FA2H: variants seen among roughly 807,000 people sequenced by gnomAD.
FA2H encodes the protein fatty acid alpha-hydroxylase.
A neutral mutation model predicts 44.9 loss-of-function variants in FA2H; 22 were observed. The ratio of observed to expected loss-of-function variants is 0.49; its 90% CI spans 0.35 to 0.70. The LOEUF (loss-of-function observed/expected upper bound fraction) is 0.70. FA2H is among the 30% of genes least tolerant of loss of function. FA2H has a pLI of 0.01. For synonymous variants in FA2H, 243 were observed against 213.2 expected (o/e 1.14, Z -1.22); for missense variants, 501 against 504.9 (o/e 0.99, Z 0.07).
At chr16:74,719,547 T>C (rs1296619537) in intron 4 of FA2H, among the ~76,000 whole-genome samples, 1 of 151,902 alleles carries the variant, frequency 6.6e-6, no homozygotes, top group Admixed American at 6.6e-5. Context: ...AAGGTATCTC[T>C]GTGTCGCCCA....
chr16:74,736,614 G>A (rs528269573), intron 2 of FA2H, among the ~76,000 whole-genome samples: 6 of 152,330 alleles, frequency 3.9e-5, no homozygotes, highest in South Asian at 2.1e-4. Flanking sequence ...TGCTGGATGC[G>A]TCTATCTGTC....
chr16:74,719,275 G>A lies in FA2H; in HGVS notation c.614-115C>T. 3 of 868,400 alleles carry A rather than the reference G, an allele frequency of 3.5e-6. No individual in the cohort carries two copies. The South Asian group carries it at 4.5e-5, about 13-fold the overall frequency. The allele number at this position is 868,400 out of a possible 1,614,324, so 53.8% of individuals were successfully genotyped here. A position where few individuals can be genotyped will look rare whatever the true frequency, so the allele number is the denominator to read the frequency against. On this transcript the variant is annotated intron_variant, in intron 4 of 6. Transcript: ENST00000219368. ...GGGAGCTGCTGCCCTCTGTTGGACA[G>A]CTACAGGGCCAGGCCATACTGCTGG... is the stretch of plus-strand genomic sequence containing the variant.
At chr16:74,715,071 C>T (rs1961664539) in intron 6 of FA2H, among the ~76,000 whole-genome samples, 1 of 152,004 alleles carries the variant, frequency 6.6e-6, no homozygotes. Flanking sequence ...CTCCTGACCT[C>T]AGGTGATCTG....
At chr16:74,763,328 A>G (rs1473517732) in intron 1 of FA2H, among the ~76,000 whole-genome samples, 1 of 151,856 alleles carries the variant, frequency 6.6e-6, no homozygotes, top group Non-Finnish European at 1.5e-5. Context: ...CGTGATTTCC[A>G]TTCACTGCAA....
intron 3 of FA2H, 25 bp downstream of exon 3, chr16:74,727,219 G>A: frequency 9.3e-6 from 15 of 1,613,786 alleles, no homozygotes; most frequent in Non-Finnish European, 1.3e-5. Flanking sequence ...GGGACAGCCT[G>A]CCACAGGCTC....
At chr16:74,758,380 A>G (rs965551895) in intron 1 of FA2H, among the ~76,000 whole-genome samples, 2 of 152,012 alleles carry the variant, frequency 1.3e-5, no homozygotes, top group Non-Finnish European at 2.9e-5. Flanking sequence ...TCGGCCTCCT[A>G]AAATGCTGGG....
chr16:74,765,009 G>C (rs559804148), intron 1 of FA2H, among the ~76,000 whole-genome samples: 1 of 152,298 alleles, frequency 6.6e-6, no homozygotes, highest in African/African-American at 2.4e-5. Context: ...TAGACTGTAA[G>C]AGCCTGCTAA....
intron 2 of FA2H, among the ~76,000 whole-genome samples, chr16:74,734,318 C>A (rs888476785): frequency 6.6e-6 from 1 of 152,250 alleles, no homozygotes; most frequent in Non-Finnish European, 1.5e-5. Context: ...TCAGGGCCGT[C>A]CAGAGGAAGC....
chr16:74,758,117 C>CTT (rs71378706), intron 1 of FA2H, among the ~76,000 whole-genome samples: 36 of 113,546 alleles, frequency 3.2e-4, no homozygotes, highest in South Asian at 8.4e-4. Flanking sequence ...GGAAACAATT[C>CTT]TTTTTTTTTT....
At chr16:74,754,896 A>C (rs1485991182) in intron 1 of FA2H, among the ~76,000 whole-genome samples, 1 of 152,120 alleles carries the variant, frequency 6.6e-6, no homozygotes, top group Non-Finnish European at 1.5e-5. Context: ...TTCTAACTTC[A>C]GTATGACTAG....
At chr16:74,730,870 C>A (rs528933305) in intron 2 of FA2H, among the ~76,000 whole-genome samples, 1 of 152,112 alleles carries the variant, frequency 6.6e-6, no homozygotes, top group East Asian at 1.9e-4. Context: ...TTGGGGAAAC[C>A]GAGGCTGAGT....
Position 74,713,480 on chromosome 16 carries a change from A to G in FA2H, c.*710T>C, listed in dbSNP as rs1961621439. 1 of 152,230 alleles carries G rather than the reference A, an allele frequency of 6.6e-6. No homozygotes were observed. The highest frequency in any genetic ancestry group is 2.1e-4 in the South Asian group (1 of 4,832). The allele number at this position is 152,230 out of a possible 1,614,324, so 9.4% of individuals were successfully genotyped here. A position where few individuals can be genotyped will look rare whatever the true frequency, so the allele number is the denominator to read the frequency against. On this transcript the variant is annotated 3_prime_UTR_variant, in exon 7 of 7. Transcript: ENST00000219368. ...CGGGGTGGGGCTGCCACTGGTGGAG[A>G]AGCCTCCTCAGCCTCCCTTGGGGAG...
intron 4 of FA2H, among the ~76,000 whole-genome samples, chr16:74,723,760 A>T (rs1961889764): frequency 6.6e-6 from 1 of 152,116 alleles, no homozygotes; most frequent in South Asian, 2.1e-4. Context: ...CTGGATTCAA[A>T]TCCTGGCTCA....
At chr16:74,753,927 C>A (rs1402367064) in intron 1 of FA2H, among the ~76,000 whole-genome samples, 3 of 152,172 alleles carry the variant, frequency 2.0e-5, no homozygotes, top group Non-Finnish European at 4.4e-5. Flanking sequence ...CACATTAATT[C>A]TTTAGTTACA....
In FA2H at chr16:74,713,058, C is replaced by T. The variant is rs1208455215; in HGVS notation, c.*1132G>A. On this transcript the variant is annotated 3_prime_UTR_variant, in exon 7 of 7. Coordinates refer to ENST00000219368, the MANE Select transcript of FA2H (RefSeq NM_024306.5). ...TATTTATTCCAAAATCTTTAAATAG[C>T]TCCGCAGCAAACAGTACAAATCACA... 1 of 152,614 alleles carries T rather than the reference C, an allele frequency of 6.6e-6. No individual in the cohort carries two copies. The highest frequency in any genetic ancestry group is 1.5e-5 in the Non-Finnish European group (1 of 68,046). 9.5% of individuals were successfully genotyped at this position (152,614 alleles called of 1,614,324 possible). A position where few individuals can be genotyped will look rare whatever the true frequency, so the allele number is the denominator to read the frequency against.
chr16:74,720,808 G>A (rs185266928), intron 4 of FA2H, among the ~76,000 whole-genome samples: 63 of 152,170 alleles, frequency 4.1e-4, no homozygotes, highest in Middle Eastern at 3.4e-3. Context: ...GCCTATTCTG[G>A]ACATTTCACG....
chr16:74,715,124 G>A (rs766742107), intron 6 of FA2H, among the ~76,000 whole-genome samples: 5 of 151,902 alleles, frequency 3.3e-5, no homozygotes, highest in Non-Finnish European at 7.4e-5. Context: ...AAATGTTTAA[G>A]CATGTTTGGA....
chr16:74,750,956 A>AT (rs536573016), intron 1 of FA2H, among the ~76,000 whole-genome samples: 69 of 150,570 alleles, frequency 4.6e-4, no homozygotes, highest in South Asian at 1.1e-3. Context: ...TAATCTGTTT[A>AT]TTTTTTTTTA....
rs184647411 is a variant in FA2H at position 74,766,978 on chromosome 16, G to A, written c.270+7508C>T. Among the ~76,000 whole-genome samples, 387 of 151,958 alleles carry A rather than the reference G, an allele frequency of 2.5e-3. 2 individuals are homozygous for A. The highest frequency in any genetic ancestry group is 8.9e-3 in the African/African-American group (371 of 41,454). On this transcript the variant is annotated intron_variant, in intron 1 of 6. Transcript: ENST00000219368. ...AGGTGCTGGAAGAGTTCTAGGTCTC[G>A]ATCTGGGTGGTGGCAACAGAGATGT... is the stretch of plus-strand genomic sequence containing the variant.
Sources: allele counts gnomAD v4.1 joint callset (sites outside exome capture counted in the v4.1 genomes callset), GRCh38; gene constraint gnomAD v4.1.1; transcripts MANE v1.5; gene names NCBI Gene and HGNC (gene_info 2026-07-23, HGNC 2026-07-21).